The following PPM1L variants were observed in gnomAD, a reference collection of about 807,000 sequenced individuals.
PPM1L encodes the protein protein phosphatase 1L.
A neutral mutation model predicts 31.4 loss-of-function variants in PPM1L; 13 were observed. The ratio of observed to expected loss-of-function variants is 0.41; its 90% CI spans 0.27 to 0.66. The LOEUF (loss-of-function observed/expected upper bound fraction) is 0.66, where lower values mean the gene tolerates loss of function less well. PPM1L is among the 30% of genes least tolerant of loss of function. PPM1L has a pLI of 0.29. For missense variants in PPM1L, 326 were observed against 453.7 expected, an observed-to-expected ratio of 0.72 and a Z score of 2.56; for synonymous variants, 184 against 175.4, an observed-to-expected ratio of 1.05 and a Z score of -0.39.
At chr3:160,843,404 T>G (rs113218908) in intron 1 of PPM1L, among the ~76,000 whole-genome samples, 16,171 of 119,282 alleles carry the variant, frequency 0.14, 1,458 homozygotes, top group African/African-American at 0.23. Context: ...GATTTTTTTT[T>G]TGTGTGTGTA....
intron 2 of PPM1L, among the ~76,000 whole-genome samples, chr3:160,983,904 G>T (rs1716881403): frequency 6.6e-6 from 1 of 152,176 alleles, no homozygotes; most frequent in Non-Finnish European, 1.5e-5. Context: ...AAAGGGGAGG[G>T]AGTGTACGAA....
At chr3:160,975,663 G>A (rs1405191411) in intron 2 of PPM1L, among the ~76,000 whole-genome samples, 5 of 152,050 alleles carry the variant, frequency 3.3e-5, no homozygotes, top group African/African-American at 1.2e-4. Flanking sequence ...CTCATGATTT[G>A]GCTCTCTGTT....
At chr3:160,902,867 T>G (rs1241433844) in intron 1 of PPM1L, among the ~76,000 whole-genome samples, 1 of 152,188 alleles carries the variant, frequency 6.6e-6, no homozygotes, top group Non-Finnish European at 1.5e-5. Flanking sequence ...CTAGCTCGAC[T>G]AACACTGAGT....
intron 1 of PPM1L, among the ~76,000 whole-genome samples, chr3:160,786,216 T>A (rs867194764): frequency 0.02 from 1,811 of 92,818 alleles, 13 homozygotes; most frequent in African/African-American, 0.05. Context: ...TATTTTTTTT[T>A]TTTTTTTTTT....
At chr3:160,954,252 A>G (rs536163942) in intron 1 of PPM1L, among the ~76,000 whole-genome samples, 13 of 152,350 alleles carry the variant, frequency 8.5e-5, no homozygotes. Flanking sequence ...AAAACTTTAG[A>G]GAGAAAAAAT....
intron 1 of PPM1L, among the ~76,000 whole-genome samples, chr3:160,939,414 C>T (rs1200829782): frequency 6.6e-6 from 1 of 152,168 alleles, no homozygotes; most frequent in East Asian, 1.9e-4. Context: ...CAAAATTTGG[C>T]TCACATATCC....
At chr3:160,836,846 G>A (rs867056969) in intron 1 of PPM1L, among the ~76,000 whole-genome samples, 3 of 152,150 alleles carry the variant, frequency 2.0e-5, no homozygotes, top group African/African-American at 7.2e-5. Context: ...GACAAAGATC[G>A]TGGAAGCTTT....
intron 1 of PPM1L, among the ~76,000 whole-genome samples, chr3:160,906,043 T>G (rs4679663): frequency 0.41 from 61,739 of 151,808 alleles, 13,544 homozygotes; most frequent in East Asian, 0.58. Context: ...TTTCTTTCTT[T>G]CTATTTCCTG....
intron 1 of PPM1L, among the ~76,000 whole-genome samples, chr3:160,940,451 G>A (rs1715124944): frequency 6.6e-6 from 1 of 152,158 alleles, no homozygotes; most frequent in East Asian, 1.9e-4. Context: ...AGGAAAAAGT[G>A]GTTTTGTGGG....
chr3:160,844,994 G>A (rs140026708), intron 1 of PPM1L, among the ~76,000 whole-genome samples: 1 of 152,136 alleles, frequency 6.6e-6, no homozygotes, highest in East Asian at 1.9e-4. Flanking sequence ...TATATAAATA[G>A]AATCTGTGGT....
At position 161,069,416 on chromosome 3, in the gene PPM1L, G is replaced by T. The variant is rs749557971; in HGVS notation, c.*259G>T. ...GTCCAAAATATATAAGTAAATAGCT[G>T]TAGAGTCACATATATGAAGTGAATA... On this transcript the variant is annotated 3_prime_UTR_variant, in exon 4 of 4. Coordinates refer to ENST00000498165, the MANE Select transcript of PPM1L (RefSeq NM_139245.4). 9 of 484,730 alleles carry T rather than the reference G, an allele frequency of 1.9e-5. No homozygotes were observed. The highest frequency in any genetic ancestry group is 3.3e-5 in the Non-Finnish European group (9 of 271,962). 30.0% of individuals were successfully genotyped at this position (484,730 alleles called of 1,614,324 possible).
chr3:160,922,047 A>G (rs560206220), intron 1 of PPM1L, among the ~76,000 whole-genome samples: 35 of 152,294 alleles, frequency 2.3e-4, no homozygotes, highest in African/African-American at 8.2e-4. Context: ...ACGGTGGCTC[A>G]CACCTGTAAT....
intron 1 of PPM1L, among the ~76,000 whole-genome samples, chr3:160,957,019 A>G (rs1014795427): frequency 6.6e-6 from 1 of 152,248 alleles, no homozygotes; most frequent in Non-Finnish European, 1.5e-5. Flanking sequence ...CTGTACAAAT[A>G]CAAAATAATT....
At chr3:160,923,028 G>C (rs543903398) in intron 1 of PPM1L, among the ~76,000 whole-genome samples, 1 of 152,300 alleles carries the variant, frequency 6.6e-6, no homozygotes, top group Non-Finnish European at 1.5e-5. Context: ...TGCCTATTCA[G>C]CTGGAGTTGC....
At chr3:161,009,380 A>C (rs1717814234) in intron 2 of PPM1L, among the ~76,000 whole-genome samples, 4 of 152,224 alleles carry the variant, frequency 2.6e-5, no homozygotes. Context: ...AAAATAAGGT[A>C]ATTTATCAAG....
chr3:160,879,923 G>C (rs1007928744), intron 1 of PPM1L, among the ~76,000 whole-genome samples: 1 of 152,116 alleles, frequency 6.6e-6, no homozygotes. Flanking sequence ...TATGATTGCC[G>C]TGTGTTGAGA....
At chr3:160,790,950 G>T (rs1168507287) in intron 1 of PPM1L, among the ~76,000 whole-genome samples, 2 of 152,140 alleles carry the variant, frequency 1.3e-5, no homozygotes, top group African/African-American at 4.8e-5. Context: ...TTTTCAGGTT[G>T]TATTTGTACA....
chr3:160,763,282 CAT>C (rs1279845852), intron 1 of PPM1L, among the ~76,000 whole-genome samples: 2 of 152,180 alleles, frequency 1.3e-5, no homozygotes, highest in Non-Finnish European at 2.9e-5. Flanking sequence ...CGCTGTGACT[CAT>C]GTGGCAGAGA....
At chr3:160,862,229 AT>A (rs1040267163) in intron 1 of PPM1L, among the ~76,000 whole-genome samples, 23 of 152,288 alleles carry the variant, frequency 1.5e-4, no homozygotes, top group Admixed American at 5.2e-4. Context: ...AATAAGTTCT[AT>A]CCCAAAACAT....
Sources: allele counts gnomAD v4.1 joint callset (sites outside exome capture counted in the v4.1 genomes callset), GRCh38; gene constraint gnomAD v4.1.1; transcripts MANE v1.5; gene names NCBI Gene and HGNC (gene_info 2026-07-23, HGNC 2026-07-21).